Variants in ZNF454 observed in about 807,000 individuals in gnomAD.
ZNF454 encodes zinc finger protein 454.
ZNF454 carries 30 observed loss-of-function variants against 48.2 expected under a neutral mutation model. The observed-to-expected ratio is 0.62, with a 90% confidence interval of 0.47 to 0.84. ZNF454 has a LOEUF of 0.84. ZNF454 is among the 40% of genes least tolerant of loss of function. The probability of loss-of-function intolerance (pLI) is 0.00; values close to 1 mark genes in which losing one functional copy is unlikely to be tolerated. For missense variants in ZNF454, 510 were observed against 623.1 expected, an observed-to-expected ratio of 0.82 and a Z score of 1.93; for synonymous variants, 204 against 211.4, an observed-to-expected ratio of 0.97 and a Z score of 0.30.
chr5:178,983,598 G>A, the ZNF454 span: 1 of 405,724 alleles, frequency 2.5e-6, no homozygotes, highest in Non-Finnish European at 4.9e-6. Context: ...CGGAAGCTCT[G>A]GAACTGAGGC....
intron 4 of ZNF454, among the ~76,000 whole-genome samples, chr5:178,949,349 GT>G (rs1358267236): frequency 6.6e-6 from 1 of 151,934 alleles, no homozygotes; most frequent in Non-Finnish European, 1.5e-5. Flanking sequence ...ACTGTGCCTG[GT>G]CTTTTTTTTT....
chr5:178,986,171 T>A, the ZNF454 span: 1 of 1,613,596 alleles, frequency 6.2e-7, no homozygotes, highest in Non-Finnish European at 8.5e-7. Context: ...AGCTGTGAGG[T>A]GGGGCTGATG....
the ZNF454 span, chr5:178,985,547 C>T: frequency 5.9e-6 from 2 of 336,910 alleles, no homozygotes; most frequent in African/African-American, 2.2e-5. Context: ...ACTAAAAATA[C>T]AAAAAATTAG....
At position 178,960,503 on chromosome 5, in the gene ZNF454, C is replaced by T. The variant is rs575423580; in HGVS notation, c.251-4152C>T. Among the ~76,000 whole-genome samples the T allele has an allele frequency of 3.9e-5, 6 of 151,908 alleles. 1 individual carries two copies. The East Asian group carries it at 1.2e-3, about 31-fold the overall frequency. On this transcript the variant is annotated intron_variant, in intron 4 of 4. Transcript: ENST00000519564. The stretch of plus-strand genomic sequence containing the variant: ...TCCGGACCTCAGGTGATCCACCCGC[C>T]TTGGCCTCCCAAAGTTCTGGGATTA...
At chr5:178,942,073 C>T (rs1353967446) in intron 1 of ZNF454, among the ~76,000 whole-genome samples, 1 of 152,182 alleles carries the variant, frequency 6.6e-6, no homozygotes, top group Non-Finnish European at 1.5e-5. Context: ...TTTTCGGGTA[C>T]ATCCTGGTGG....
chr5:178,985,342 G>T, the ZNF454 span: 1 of 443,702 alleles, frequency 2.3e-6, no homozygotes, highest in Admixed American at 2.5e-5. Context: ...CCCAGCAGGG[G>T]AGATGGCGGC....
chr5:178,947,402 T>A (rs910720912), intron 4 of ZNF454, among the ~76,000 whole-genome samples: 2 of 152,212 alleles, frequency 1.3e-5, no homozygotes, highest in Admixed American at 1.3e-4. Flanking sequence ...CCACAAGGTA[T>A]CTCCTCTAGC....
Position 178,965,384 on chromosome 5 carries a change from C to G in ZNF454, c.980C>G (p.Pro327Arg), listed in dbSNP as rs772427013. Reference sequence around the variant, plus strand: ...CAGAATATCCACAGTGGAGAGAAACCCTATAAATGCAATGAATGTGGAAAA... The same window carrying G: ...CAGAATATCCACAGTGGAGAGAAACGCTATAAATGCAATGAATGTGGAAAA... ...KHQNIHSGEK[P>R]YKCNECGKAF... The change falls in exon 5 of 5, where the codon CCC becomes CGC. Residue 327 changes from proline to arginine, a missense_variant. Pro to Arg is a moderately radical substitution (Grantham distance 103, BLOSUM62 -2). Coordinates refer to ENST00000519564, the MANE Select transcript of ZNF454 (RefSeq NM_001178089.3). The surrounding 1 kb of genome is among the most constrained non-coding windows in gnomAD (Gnocchi z 5.2). 1 of 1,614,124 alleles carries G rather than the reference C, an allele frequency of 6.2e-7. No homozygotes were observed. Among genetic ancestry groups the G allele is most frequent in the Non-Finnish European group, 8.5e-7 (1 of 1,180,028 alleles).
At chr5:178,989,009 G>C in the ZNF454 span, 11 of 1,613,740 alleles carry the variant, frequency 6.8e-6, no homozygotes, top group Non-Finnish European at 8.5e-6. Context: ...GCACAGGCCT[G>C]TGTGCCCAGG....
chr5:178,976,704 T>G, the ZNF454 span, among the ~76,000 whole-genome samples: 2 of 152,040 alleles, frequency 1.3e-5, no homozygotes, highest in Non-Finnish European at 2.9e-5. Context: ...AGAGCTGGAG[T>G]TGACCTCAAG....
At chr5:178,963,022 C>T (rs1328087450) in intron 4 of ZNF454, among the ~76,000 whole-genome samples, 1 of 151,778 alleles carries the variant, frequency 6.6e-6, no homozygotes, top group Non-Finnish European at 1.5e-5. Context: ...TTCTGTTGTA[C>T]TAAAAGACTA....
the ZNF454 span, chr5:178,981,617 A>T: frequency 6.7e-7 from 1 of 1,491,452 alleles, no homozygotes; most frequent in Non-Finnish European, 9.4e-7. The surrounding 1 kb of genome is among the most constrained non-coding windows in gnomAD (Gnocchi z 5.1). Context: ...CAAGAGGAAG[A>T]AAGGAGAGGC....
chr5:178,941,390 C>CG lies in ZNF454; in HGVS notation c.-159dup, dbSNP rs1185755897. On this transcript the variant is annotated 5_prime_UTR_variant, in exon 1 of 5. The change abolishes the stop of an existing upstream ORF in the 5' untranslated region. Coordinates refer to ENST00000519564, the MANE Select transcript of ZNF454 (RefSeq NM_001178089.3). The surrounding 1 kb of genome is among the most constrained non-coding windows in gnomAD (Gnocchi z 5.5). ...GGGCGGAGGCAAAGCCGAGGAGGTG[C>CG]GGGTTGTGGTCCATTCTGGAGGACG... 10 of 456,432 alleles carry CG rather than the reference C, an allele frequency of 2.2e-5. No homozygotes were observed. Among genetic ancestry groups the CG allele is most frequent in the African/African-American group, 4.0e-5 (2 of 50,054 alleles). The allele number at this position is 456,432 out of a possible 1,614,324, so 28.3% of individuals were successfully genotyped here. A position where few individuals can be genotyped will look rare whatever the true frequency, so the allele number is the denominator to read the frequency against.
At position 178,965,223 on chromosome 5, in the gene ZNF454, A is replaced by T; in HGVS notation, c.819A>T (p.Glu273Asp). The change falls in exon 5 of 5, where the codon GAA becomes GAT. Residue 273 changes from glutamate to aspartate, a missense_variant. Around this residue, in one of 3 missense-constraint regions of ZNF454, gnomAD observed 354 missense variants for 408.9 expected, o/e 0.87. Coordinates refer to ENST00000519564, the MANE Select transcript of ZNF454 (RefSeq NM_001178089.3). The surrounding 1 kb of genome is among the most constrained non-coding windows in gnomAD (Gnocchi z 5.2). ...QKIHTGEKPF[E>D]CNLCGKAFIR... is the part of the protein sequence containing the mutation. ...TTCATACTGGAGAGAAGCCTTTTGA[A>T]TGCAACTTATGTGGAAAAGCTTTTA... 1 of 1,614,224 alleles carries T rather than the reference A, an allele frequency of 6.2e-7. No homozygotes were observed. The highest frequency in any genetic ancestry group is 8.5e-7 in the Non-Finnish European group (1 of 1,180,050).
Position 178,965,169 on chromosome 5 carries a change from G to A in ZNF454, c.765G>A (p.Val255=), listed in dbSNP as rs1760106800. 1.6e-5 allele frequency: 26 copies of A among 1,614,058 alleles called. No homozygotes were observed. The highest frequency in any genetic ancestry group is 2.2e-5 in the Non-Finnish European group (26 of 1,180,044). Residue 255 remains valine (V), a synonymous_variant, in exon 5 of 5, where the codon GTG becomes GTA. Transcript: ENST00000519564. The surrounding 1 kb of genome is among the most constrained non-coding windows in gnomAD (Gnocchi z 5.2). Reference sequence around the variant, plus strand: ...AGGAATGTGGCAAGGCCTTCTCAGTGAGCTCCTCACTTACGTACCATCAGA... The same window carrying A: ...AGGAATGTGGCAAGGCCTTCTCAGTAAGCTCCTCACTTACGTACCATCAGA... The part of the protein sequence containing the change: ...ECKECGKAFS[V]SSSLTYHQKI...
chr5:178,988,483 C>T, the ZNF454 span, among the ~76,000 whole-genome samples: 1 of 152,198 alleles, frequency 6.6e-6, no homozygotes, highest in Non-Finnish European at 1.5e-5. The surrounding 1 kb of genome is among the most constrained non-coding windows in gnomAD (Gnocchi z 6.0). Flanking sequence ...GAGCCCTGAC[C>T]ACACACCAAG....
At chr5:178,950,898 T>C (rs9784682) in intron 4 of ZNF454, among the ~76,000 whole-genome samples, 91,361 of 149,704 alleles carry the variant, frequency 0.61, 28,293 homozygotes, top group Admixed American at 0.65. Flanking sequence ...TCGCTCTTGT[T>C]GTCCAGGCTG....
chr5:178,986,909 C>T, the ZNF454 span: 2 of 1,614,182 alleles, frequency 1.2e-6, no homozygotes, highest in South Asian at 2.2e-5. Context: ...CCATTGGTCG[C>T]CTGGTACTGG....
chr5:178,985,606 G>A, the ZNF454 span: 12 of 354,832 alleles, frequency 3.4e-5, no homozygotes, highest in South Asian at 1.7e-4. Context: ...GGGAGGCTGA[G>A]GCAGGAGAAT....
Sources: gnomAD v4.1 joint callset for allele counts (sites outside exome capture counted in the v4.1 genomes callset) on GRCh38, gnomAD v4.1.1 for gene constraint, gnomAD v4.1.1 regional missense constraint, Gnocchi (gnomAD v3.1) non-coding constraint, MANE v1.5 for transcripts, NCBI Gene and HGNC (gene_info 2026-07-23, HGNC 2026-07-21) for gene names.